The following ZSCAN5A variants were observed in gnomAD, a reference collection of about 807,000 sequenced individuals.
The protein encoded by ZSCAN5A is zinc finger and SCAN domain-containing protein 5A.
ZSCAN5A carries 12 observed loss-of-function variants against 23.7 expected under a neutral mutation model. The observed-to-expected ratio is 0.51, with a 90% CI of 0.32 to 0.82. The LOEUF is 0.82. Ranked by LOEUF, ZSCAN5A falls within the 40% of genes least tolerant of loss-of-function variation. The pLI is 0.03. For synonymous variants in ZSCAN5A, 257 were observed against 239.9 expected (o/e 1.07, Z -0.66); for missense variants, 597 against 617.9 (o/e 0.97, Z 0.36).
chr19:56,286,969 A>G (rs2039172328), intron 2 of ZSCAN5A, among the ~76,000 whole-genome samples: 1 of 152,270 alleles, frequency 6.6e-6, no homozygotes. Flanking sequence ...CAGGATTCAC[A>G]GCACGCACTG....
intron 1 of ZSCAN5A, among the ~76,000 whole-genome samples, chr19:56,366,422 C>CAAAAAAAAAAAAAAAA: frequency 1.2e-5 from 1 of 83,170 alleles, no homozygotes; most frequent in Non-Finnish European, 2.8e-5. Flanking sequence ...GACTCTGTCT[C>CAAAAAAAAAAAAAAAA]AAAAAAAAAA....
intron 2 of ZSCAN5A, among the ~76,000 whole-genome samples, chr19:56,255,244 C>CA (rs1245049074): frequency 6.6e-6 from 1 of 151,922 alleles, no homozygotes; most frequent in Non-Finnish European, 1.5e-5. Flanking sequence ...TTAGATAGTC[C>CA]AAAAAATACA....
At chr19:56,245,269 T>G in intron 2 of ZSCAN5A, 1 of 702,654 alleles carries the variant, frequency 1.4e-6, no homozygotes, top group East Asian at 2.7e-5. Flanking sequence ...AGGAATCAGA[T>G]GTCGAGATGG....
intron 2 of ZSCAN5A, among the ~76,000 whole-genome samples, chr19:56,356,152 G>C (rs1158237265): frequency 6.7e-6 from 1 of 148,536 alleles, no homozygotes; most frequent in Non-Finnish European, 1.5e-5. Flanking sequence ...TTTGGTAACT[G>C]TCTTGTAGCG....
At chr19:56,327,533 T>C (rs1304846488) in intron 2 of ZSCAN5A, among the ~76,000 whole-genome samples, 4 of 150,836 alleles carry the variant, frequency 2.7e-5, no homozygotes, top group Non-Finnish European at 5.9e-5. Flanking sequence ...CATACACATA[T>C]TGAATATAAA....
At chr19:56,320,116 A>G in intron 2 of ZSCAN5A, 11 of 764,248 alleles carry the variant, frequency 1.4e-5, no homozygotes, top group Non-Finnish European at 2.7e-5. Context: ...TTTCAGAGCC[A>G]TCTGTTAACT....
At chr19:56,309,303 A>G (rs932374129) in intron 2 of ZSCAN5A, among the ~76,000 whole-genome samples, 1 of 151,506 alleles carries the variant, frequency 6.6e-6, no homozygotes, top group Non-Finnish European at 1.5e-5. Context: ...GAGGGGAGGA[A>G]GGAACAAGGG....
intron 2 of ZSCAN5A, among the ~76,000 whole-genome samples, chr19:56,234,292 G>A (rs2034699836): frequency 1.3e-5 from 2 of 152,176 alleles, no homozygotes; most frequent in African/African-American, 4.8e-5. Flanking sequence ...TGGGCTCCCC[G>A]GTTCAGGTCA....
chr19:56,308,276 C>T (rs2040827766), intron 2 of ZSCAN5A, among the ~76,000 whole-genome samples: 1 of 152,008 alleles, frequency 6.6e-6, no homozygotes, highest in African/African-American at 2.4e-5. Context: ...TTGTGATCCG[C>T]CCGCCTCGGC....
intron 2 of ZSCAN5A, among the ~76,000 whole-genome samples, chr19:56,255,383 T>C (rs1185398587): frequency 6.6e-6 from 1 of 152,076 alleles, no homozygotes; most frequent in Non-Finnish European, 1.5e-5. Context: ...GGGAAGACTT[T>C]GCCCAGTCAG....
At chr19:56,269,544 T>C (rs1218286069) in intron 2 of ZSCAN5A, among the ~76,000 whole-genome samples, 1 of 152,130 alleles carries the variant, frequency 6.6e-6, no homozygotes, top group Non-Finnish European at 1.5e-5. Flanking sequence ...CCTGGATTAC[T>C]GGGGTAGGTC....
chr19:56,336,306 C>T (rs543763456), intron 2 of ZSCAN5A, among the ~76,000 whole-genome samples: 36 of 152,156 alleles, frequency 2.4e-4, no homozygotes, highest in African/African-American at 8.0e-4. Flanking sequence ...TTTCTCTGAA[C>T]TTCTCTTCTC....
chr19:56,236,930 C>G (rs374626146), intron 2 of ZSCAN5A, among the ~76,000 whole-genome samples: 1 of 151,122 alleles, frequency 6.6e-6, no homozygotes, highest in South Asian at 2.1e-4. Context: ...GTGGGCCAAG[C>G]CTCCACTCCA....
intron 1 of ZSCAN5A, among the ~76,000 whole-genome samples, chr19:56,364,761 T>C (rs1040977863): frequency 6.6e-6 from 1 of 152,258 alleles, no homozygotes; most frequent in Non-Finnish European, 1.5e-5. Flanking sequence ...ACGTATACCC[T>C]ACACATATGA....
chr19:56,362,025 G>GC (rs1416972126), intron 2 of ZSCAN5A, among the ~76,000 whole-genome samples: 1 of 151,788 alleles, frequency 6.6e-6, no homozygotes, highest in African/African-American at 2.4e-5. Context: ...GGGCGGGGTG[G>GC]CGGGCACCTG....
intron 2 of ZSCAN5A, among the ~76,000 whole-genome samples, chr19:56,333,008 G>A (rs1192468725): frequency 6.6e-6 from 1 of 152,050 alleles, no homozygotes; most frequent in Non-Finnish European, 1.5e-5. Context: ...AGCTTGCAAG[G>A]TTTCTGCTGA....
chr19:56,344,616 A>T (rs2041617354), intron 2 of ZSCAN5A, among the ~76,000 whole-genome samples: 1 of 150,474 alleles, frequency 6.6e-6, no homozygotes, highest in East Asian at 2.0e-4. Context: ...ATTAAAAAAA[A>T]GATACGGCCG....
At chr19:56,249,868 T>C (rs889757189) in intron 2 of ZSCAN5A, among the ~76,000 whole-genome samples, 3 of 152,206 alleles carry the variant, frequency 2.0e-5, no homozygotes, top group African/African-American at 4.8e-5. Flanking sequence ...TTAAATAACC[T>C]GAGCATCTGC....
chr19:56,224,205 T>C, intron 3 of ZSCAN5A: 1 of 266,812 alleles, frequency 3.7e-6, no homozygotes, highest in Non-Finnish European at 7.0e-6. Context: ...GATCCCTGCA[T>C]CTGATACCAA....
Sources: gnomAD v4.1 joint callset for allele counts (sites outside exome capture counted in the v4.1 genomes callset) on GRCh38, gnomAD v4.1.1 for gene constraint, MANE v1.5 for transcripts, NCBI Gene and HGNC (gene_info 2026-07-23, HGNC 2026-07-21) for gene names.